The following LHFPL5 variants were observed in gnomAD, a reference collection of about 807,000 sequenced individuals.
LHFPL5 encodes the protein LHFPL tetraspan subfamily member 5.
Under a neutral mutation model 18.7 loss-of-function variants are expected in LHFPL5, and 12 were observed. That is an observed-to-expected ratio of 0.64 (90% CI 0.41 to 1.04). The LOEUF (loss-of-function observed/expected upper bound fraction) is 1.04. LHFPL5 is among the 50% of genes least tolerant of loss of function. The probability of loss-of-function intolerance (pLI) is 0.00; values close to 1 mark genes in which losing one functional copy is unlikely to be tolerated. For synonymous variants in LHFPL5, 111 were observed against 120.2 expected, an observed-to-expected ratio of 0.92 and a Z score of 0.50; for missense variants, 259 against 292.1, an observed-to-expected ratio of 0.89 and a Z score of 0.83.
chr6:35,818,352 T>TATATATATATATATA (rs1561955744), intron 2 of LHFPL5, among the ~76,000 whole-genome samples: 3 of 2,368 alleles, frequency 1.3e-3, no homozygotes, highest in African/African-American at 4.1e-3. Flanking sequence ...TATATATGTA[T>TATATATATATATATA]TTTTTTTTTT....
At chr6:35,822,003 T>C (rs761845645) in intron 3 of LHFPL5, among the ~76,000 whole-genome samples, 1 of 151,004 alleles carries the variant, frequency 6.6e-6, no homozygotes, top group Non-Finnish European at 1.5e-5. Context: ...GCTTCCTGAA[T>C]AGCTGGGACT....
chr6:35,818,227 A>T (rs1171840128), intron 2 of LHFPL5, among the ~76,000 whole-genome samples: 1 of 151,646 alleles, frequency 6.6e-6, no homozygotes, highest in Non-Finnish European at 1.5e-5. Flanking sequence ...AACAAGAGTG[A>T]TTGCTAATGG....
At chr6:35,811,198 A>G (rs1379525158) in intron 1 of LHFPL5, 3 of 152,238 alleles carry the variant, frequency 2.0e-5, no homozygotes, top group Non-Finnish European at 4.4e-5. Context: ...CGGAGCAAGG[A>G]AGTACAACCT....
At chr6:35,809,107 T>C (rs1310101335) in intron 1 of LHFPL5, among the ~76,000 whole-genome samples, 1 of 152,036 alleles carries the variant, frequency 6.6e-6, no homozygotes, top group Non-Finnish European at 1.5e-5. Flanking sequence ...GCTTGGGCGA[T>C]GTGGGGCTGC....
chr6:35,821,052 C>T (rs1036114904), intron 3 of LHFPL5, among the ~76,000 whole-genome samples: 3 of 152,104 alleles, frequency 2.0e-5, no homozygotes, highest in African/African-American at 7.2e-5. Context: ...GCCTGTAATC[C>T]CAGCACTTTG....
Position 35,813,748 on chromosome 6 carries a change from T to C in LHFPL5, c.413-798T>C, listed in dbSNP as rs556807121. 2.0e-5 allele frequency among the ~76,000 whole-genome samples: 3 copies of C among 151,440 alleles called. No homozygotes were observed. In the South Asian group the frequency reaches 6.3e-4, roughly 32 times the overall value. On this transcript the variant is annotated intron_variant, in intron 1 of 3. Transcript: ENST00000360215. Reference sequence around the variant, plus strand: ...TTCTATGTACCATAAAAACAAAATATACTGATAATCTGGCCATGGCCTGAC... The same window carrying C: ...TTCTATGTACCATAAAAACAAAATACACTGATAATCTGGCCATGGCCTGAC...
intron 1 of LHFPL5, among the ~76,000 whole-genome samples, chr6:35,812,201 G>A (rs763249772): frequency 5.3e-5 from 8 of 152,338 alleles, no homozygotes; most frequent in South Asian, 2.1e-4. Flanking sequence ...ATACATTTAG[G>A]TGGGGAGGTG....
chr6:35,819,430 A>G lies in LHFPL5; in HGVS notation c.650-7A>G, dbSNP rs1235029405. The G allele has an allele frequency of 1.2e-6, 2 of 1,613,846 alleles. No individual in the cohort carries two copies. The highest frequency in any genetic ancestry group is 2.7e-5 in the African/African-American group (2 of 74,916). Reference sequence around the variant, plus strand: ...AGTAACGTATACTGTTCTCTCCTTCATTACAGAGGAGGTGTGAAGCAGCTG... The same window carrying G: ...AGTAACGTATACTGTTCTCTCCTTCGTTACAGAGGAGGTGTGAAGCAGCTG... On this transcript the variant is annotated splice_region_variant and splice_polypyrimidine_tract_variant and intron_variant, in intron 2 of 3. Transcript: ENST00000360215.
Position 35,814,595 on chromosome 6 carries a change from A to G in LHFPL5, c.462A>G (p.Ser154=), listed in dbSNP as rs1444002518. Residue 154 remains serine, a synonymous_variant, in exon 2 of 4, where the codon TCA becomes TCG. Coordinates refer to ENST00000360215, the MANE Select transcript of LHFPL5 (RefSeq NM_182548.4). The surrounding 1 kb of genome is among the most constrained non-coding windows in gnomAD (Gnocchi z 4.2). ...TGGTCTACCCTGATGGTTGGGACTC[A>G]AGTGAGGTGCGGCGCATGTGTGGGG... ...GCLVYPDGWD[S]SEVRRMCGEQ... The G allele has an allele frequency of 1.2e-6, 2 of 1,614,056 alleles. No homozygotes were observed. Among genetic ancestry groups the G allele is most frequent in the African/African-American group, 2.7e-5 (2 of 74,922 alleles).
intron 2 of LHFPL5, among the ~76,000 whole-genome samples, chr6:35,815,613 C>T (rs561007768): frequency 6.0e-4 from 92 of 152,278 alleles, no homozygotes; most frequent in Non-Finnish European, 1.0e-3. Context: ...CTCTTTTCCC[C>T]ATAGCTGTCT....
At chr6:35,820,470 G>C (rs1265838630) in intron 3 of LHFPL5, among the ~76,000 whole-genome samples, 2 of 152,254 alleles carry the variant, frequency 1.3e-5, no homozygotes, top group East Asian at 3.9e-4. Context: ...GGAGGCTGAG[G>C]TGGGCGGATC....
Position 35,814,587 on chromosome 6 carries a change from T to G in LHFPL5, c.454T>G (p.Trp152Gly), listed in dbSNP as rs1298538835. The change falls in exon 2 of 4, where the codon TGG (tryptophan) becomes GGG (glycine). Residue 152 changes from tryptophan (W) to glycine (G), a missense_variant. Physicochemically the swap from Trp to Gly is radical, Grantham distance 184. Transcript: ENST00000360215. The surrounding 1 kb of genome is among the most constrained non-coding windows in gnomAD (Gnocchi z 4.2). ...MIGCLVYPDG[W>G]DSSEVRRMCG... ...TGGCTGCCTGGTCTACCCTGATGGT[T>G]GGGACTCAAGTGAGGTGCGGCGCAT... The G allele has an allele frequency of 1.2e-6, 2 of 1,613,960 alleles. No individual in the cohort carries two copies. Among genetic ancestry groups the G allele is most frequent in the Admixed American group, 1.7e-5 (1 of 59,992 alleles).
Position 35,814,172 on chromosome 6 carries a change from C to A in LHFPL5, c.413-374C>A, listed in dbSNP as rs1268264069. Among the ~76,000 whole-genome samples the A allele has an allele frequency of 6.6e-6, 1 of 152,182 alleles. No individual in the cohort carries two copies. Among genetic ancestry groups the A allele is most frequent in the Non-Finnish European group, 1.5e-5 (1 of 68,030 alleles). ...ATGTACATCTCAGCAGTGATGAGTT[C>A]TTTGGGCTGGGACTAGATACCGGAG... is the stretch of plus-strand genomic sequence containing the variant. On this transcript the variant is annotated intron_variant, in intron 1 of 3. Coordinates refer to ENST00000360215, the MANE Select transcript of LHFPL5 (RefSeq NM_182548.4). The surrounding 1 kb of genome is among the most constrained non-coding windows in gnomAD (Gnocchi z 4.2).
chr6:35,815,398 A>C (rs569035813), intron 2 of LHFPL5, among the ~76,000 whole-genome samples: 1 of 152,180 alleles, frequency 6.6e-6, no homozygotes, highest in East Asian at 1.9e-4. Flanking sequence ...ATTGCTTCCC[A>C]TTACTCCCTT....
At position 35,805,777 on chromosome 6, in the gene LHFPL5, T is replaced by G. The variant is rs1768558189; in HGVS notation, c.107T>G (p.Phe36Cys). ...ATGTGGGGTACCCTCACCATCTGCT[T>G]CTCCGTACTGGTCATGGCCCTCTTC... ...GVMWGTLTIC[F>C]SVLVMALFIQ... is the part of the protein sequence containing the mutation. Residue 36 changes from phenylalanine to cysteine, a missense_variant, in exon 1 of 4, where the codon TTC (phenylalanine) becomes TGC (cysteine). Coordinates refer to ENST00000360215, the MANE Select transcript of LHFPL5 (RefSeq NM_182548.4). This position sits in a 1 kb window ranked among gnomAD's most constrained non-coding sequence, Gnocchi z 4.3. The G allele has an allele frequency of 6.2e-7, 1 of 1,614,106 alleles. No homozygotes were observed. Among genetic ancestry groups the G allele is most frequent in the South Asian group, 1.1e-5 (1 of 91,092 alleles).
chr6:35,819,869 G>A, intron 3 of LHFPL5: 1 of 272,662 alleles, frequency 3.7e-6, no homozygotes, highest in Non-Finnish European at 7.2e-6. Flanking sequence ...AGTAGAAGCG[G>A]GGTTTCACCG....
Position 35,810,150 on chromosome 6 carries a change from C to T in LHFPL5, c.412+4068C>T, listed in dbSNP as rs886584991. On this transcript the variant is annotated intron_variant, in intron 1 of 3. Coordinates refer to ENST00000360215, the MANE Select transcript of LHFPL5 (RefSeq NM_182548.4). The stretch of plus-strand genomic sequence containing the variant: ...TAACCAACCTTTAGCTGCCCCCGCT[C>T]CCCTCTGGGGTCCCTTTTATAAGGG... Among the ~76,000 whole-genome samples, 12 of 152,218 alleles carry T rather than the reference C, an allele frequency of 7.9e-5. 1 individual carries two copies. The highest frequency in any genetic ancestry group is 6.5e-4 in the Admixed American group (10 of 15,282).
chr6:35,821,481 G>GTGTGTGTGTGTA (rs1554147696), intron 3 of LHFPL5, among the ~76,000 whole-genome samples: 2,507 of 147,052 alleles, frequency 0.017, 37 homozygotes, highest in South Asian at 0.031. Flanking sequence ...GTGTGTGTGT[G>GTGTGTGTGTGTA]TGTGTGTGTG....
chr6:35,819,032 C>A (rs1581975050), intron 2 of LHFPL5, among the ~76,000 whole-genome samples: 3 of 152,098 alleles, frequency 2.0e-5, no homozygotes, highest in African/African-American at 7.2e-5. Context: ...AGGGTTTCAC[C>A]TTGTTGGCCA....
Sources: allele counts gnomAD v4.1 joint callset (sites outside exome capture counted in the v4.1 genomes callset), GRCh38; gene constraint gnomAD v4.1.1; non-coding constraint Gnocchi (gnomAD v3.1); transcripts MANE v1.5; gene names NCBI Gene and HGNC (gene_info 2026-07-23, HGNC 2026-07-21).